MTUS1: variants seen among roughly 807,000 people sequenced by gnomAD.
The protein encoded by MTUS1 is microtubule-associated tumor suppressor 1.
MTUS1 carries 109 observed loss-of-function variants against 120.8 expected under a neutral mutation model. That is an observed-to-expected ratio of 0.90 (90% confidence interval 0.77 to 1.06). The LOEUF (loss-of-function observed/expected upper bound fraction) is 1.06, where lower values mean the gene tolerates loss of function less well. Among genes scored for constraint, MTUS1 ranks in the 50% least tolerant of loss-of-function variants. MTUS1 has a pLI of 0.00. For missense variants in MTUS1, 2,210 were observed against 1,486.3 expected (o/e 1.49, Z -8.01); for synonymous variants, 737 against 550.5 (o/e 1.34, Z -4.74).
chr8:17,687,455 T>C (rs968660627), intron 6 of MTUS1, among the ~76,000 whole-genome samples: 7 of 152,194 alleles, frequency 4.6e-5, no homozygotes, highest in African/African-American at 1.2e-4. Flanking sequence ...GAAATTAGCA[T>C]ATTATCAGCC....
At chr8:17,773,488 G>T (rs1052454833) in intron 1 of MTUS1, among the ~76,000 whole-genome samples, 7 of 152,138 alleles carry the variant, frequency 4.6e-5, no homozygotes, top group Non-Finnish European at 7.3e-5. Context: ...CATAGACTGG[G>T]TAACTTATAA....
intron 2 of MTUS1, 133 bp from the exon 3 acceptor site, chr8:17,743,932 A>G: frequency 4.3e-6 from 3 of 690,982 alleles, no homozygotes. Context: ...ATGATGGCAA[A>G]GAGGTCAGAC....
chr8:17,756,544 G>A (rs13248545), intron 1 of MTUS1, among the ~76,000 whole-genome samples: 114,950 of 150,442 alleles, frequency 0.76, 44,376 homozygotes, highest in South Asian at 0.87. Context: ...AATTGAAGGG[G>A]AAAAAAAAAT....
At chr8:17,713,748 G>A (rs908625514) in intron 5 of MTUS1, among the ~76,000 whole-genome samples, 1 of 152,156 alleles carries the variant, frequency 6.6e-6, no homozygotes, top group Non-Finnish European at 1.5e-5. Context: ...GTACACAGCT[G>A]TAAGTCACTA....
chr8:17,675,401 A>G (rs1462031754), intron 7 of MTUS1, 149 bp from the exon 8 acceptor site: 1 of 628,056 alleles, frequency 1.6e-6, no homozygotes, highest in Non-Finnish European at 2.7e-6. Flanking sequence ...GTTAAAAGAA[A>G]CACAGTTGTC....
chr8:17,674,806 G>A (rs765146756), intron 8 of MTUS1: 98 of 1,038,290 alleles, frequency 9.4e-5, no homozygotes, highest in Non-Finnish European at 1.1e-4. Flanking sequence ...GAAGTACAAC[G>A]GATTTACTGT....
intron 3 of MTUS1, among the ~76,000 whole-genome samples, chr8:17,735,547 C>T (rs1254841197): frequency 6.6e-6 from 1 of 152,206 alleles, no homozygotes; most frequent in Non-Finnish European, 1.5e-5. Flanking sequence ...CCTTGACGTT[C>T]CCCAAGCACA....
intron 1 of MTUS1, among the ~76,000 whole-genome samples, chr8:17,782,978 T>C (rs879600165): frequency 1.3e-5 from 2 of 152,152 alleles, no homozygotes; most frequent in Non-Finnish European, 2.9e-5. Context: ...CTCAGGAGGC[T>C]GAGGCAGGAG....
chr8:17,721,388 A>G (rs562781565), intron 4 of MTUS1, among the ~76,000 whole-genome samples: 2 of 152,360 alleles, frequency 1.3e-5, no homozygotes, highest in Admixed American at 6.5e-5. Context: ...TTGCACAACT[A>G]CCAGCTACAT....
chr8:17,798,863 G>A (rs1187201525), intron 1 of MTUS1, among the ~76,000 whole-genome samples: 1 of 152,122 alleles, frequency 6.6e-6, no homozygotes, highest in African/African-American at 2.4e-5. Context: ...TGAATTAATG[G>A]AAAAATACTA....
intron 12 of MTUS1, among the ~76,000 whole-genome samples, chr8:17,652,467 C>T (rs1308903642): frequency 1.3e-5 from 2 of 151,212 alleles, no homozygotes; most frequent in African/African-American, 2.4e-5. Context: ...AGAAAGTAGA[C>T]GGGGGAGAGC....
intron 1 of MTUS1, among the ~76,000 whole-genome samples, chr8:17,785,197 AGAG>A: frequency 5.1e-5 from 1 of 19,742 alleles, no homozygotes; most frequent in East Asian, 1.0e-3. Context: ...CAGCCTTCAA[AGAG>A]CCTCCAAAGA....
At chr8:17,786,185 G>A (rs922788436) in intron 1 of MTUS1, among the ~76,000 whole-genome samples, 6 of 152,018 alleles carry the variant, frequency 3.9e-5, no homozygotes, top group African/African-American at 1.4e-4. Flanking sequence ...CGTCAAGGAA[G>A]GTCAGTGTAT....
intron 1 of MTUS1, among the ~76,000 whole-genome samples, chr8:17,791,606 G>T (rs2051789574): frequency 6.6e-6 from 1 of 152,164 alleles, no homozygotes; most frequent in South Asian, 2.1e-4. Flanking sequence ...TTCAAATGGA[G>T]TATCAGCAGC....
intron 6 of MTUS1, among the ~76,000 whole-genome samples, chr8:17,702,467 G>A (rs922274040): frequency 1.7e-4 from 26 of 152,026 alleles, no homozygotes; most frequent in African/African-American, 5.8e-4. Flanking sequence ...ATTGTTAACT[G>A]TAGGCACAAT....
chr8:17,759,437 T>A (rs191030068), intron 1 of MTUS1, among the ~76,000 whole-genome samples: 4,012 of 151,350 alleles, frequency 0.027, 159 homozygotes, highest in African/African-American at 0.092. Context: ...CTAATTTTTT[T>A]AAAAAACTTT....
intron 3 of MTUS1, among the ~76,000 whole-genome samples, chr8:17,728,745 T>C (rs1263439800): frequency 6.9e-6 from 1 of 144,846 alleles, no homozygotes; most frequent in Admixed American, 6.8e-5. Flanking sequence ...TTTTAGACCT[T>C]AAATGTTAGG....
At chr8:17,779,668 C>T (rs1027969018) in intron 1 of MTUS1, among the ~76,000 whole-genome samples, 2 of 152,288 alleles carry the variant, frequency 1.3e-5, no homozygotes, top group African/African-American at 2.4e-5. Flanking sequence ...TTAAAGAAGG[C>T]CCCCTTCACT....
intron 8 of MTUS1, among the ~76,000 whole-genome samples, chr8:17,661,361 C>T (rs1247442117): frequency 6.6e-6 from 1 of 152,114 alleles, no homozygotes. Flanking sequence ...AAAGCAGGAA[C>T]AAGATCTGAA....
Sources: gnomAD v4.1 joint callset for allele counts (sites outside exome capture counted in the v4.1 genomes callset) on GRCh38, gnomAD v4.1.1 for gene constraint, MANE v1.5 for transcripts, NCBI Gene and HGNC (gene_info 2026-07-23, HGNC 2026-07-21) for gene names.